Variants in ALKAL1 observed in about 807,000 individuals in gnomAD.
The protein encoded by ALKAL1 is AUG-beta.
In ALKAL1, 23 loss-of-function variants were observed where a neutral mutation model predicts 13.5. The observed-to-expected ratio is 1.70, with a 90% CI of 1.23 to 2.41. The LOEUF is 2.41. Ranked by LOEUF, ALKAL1 falls within the 30% of genes most tolerant of loss-of-function variation. The pLI, the probability that ALKAL1 is intolerant of heterozygous loss-of-function variation, is 0.00. For missense variants in ALKAL1, 181 were observed against 178.4 expected (o/e 1.01, Z -0.08); for synonymous variants, 85 against 77.7 (o/e 1.09, Z -0.49).
At chr8:52,542,319 A>G in intron 2 of ALKAL1, 73 bp downstream of exon 2, 1 of 974,044 alleles carries the variant, frequency 1.0e-6, no homozygotes, top group Non-Finnish European at 1.6e-6. Context: ...TCATATCCCT[A>G]GTGCCTGACA....
intron 4 of ALKAL1, among the ~76,000 whole-genome samples, chr8:52,534,913 T>C (rs1847251373): frequency 6.6e-6 from 1 of 152,206 alleles, no homozygotes; most frequent in African/African-American, 2.4e-5. Context: ...GTATTGATTG[T>C]AAACCTTATT....
chr8:52,560,422 C>T (rs1847536444), intron 1 of ALKAL1, among the ~76,000 whole-genome samples: 3 of 152,202 alleles, frequency 2.0e-5, no homozygotes, highest in Non-Finnish European at 4.4e-5. Context: ...GAAATATCAC[C>T]TGGCCACGTT....
chr8:52,547,148 A>C (rs1033448096), intron 1 of ALKAL1, among the ~76,000 whole-genome samples: 2 of 152,180 alleles, frequency 1.3e-5, no homozygotes, highest in Non-Finnish European at 2.9e-5. Flanking sequence ...TTTAGTGACT[A>C]GATGCACGCA....
At chr8:52,552,868 G>A (rs1847442993) in intron 1 of ALKAL1, among the ~76,000 whole-genome samples, 1 of 152,184 alleles carries the variant, frequency 6.6e-6, no homozygotes, top group Non-Finnish European at 1.5e-5. Flanking sequence ...AATCAACCCT[G>A]GTTCTTTTAC....
At chr8:52,546,597 T>C (rs1377079693) in intron 1 of ALKAL1, among the ~76,000 whole-genome samples, 1 of 152,212 alleles carries the variant, frequency 6.6e-6, no homozygotes, top group Non-Finnish European at 1.5e-5. Flanking sequence ...CTTAAACCTT[T>C]CATAAGCAAC....
At chr8:52,562,007 C>T (rs1847555781) in intron 1 of ALKAL1, among the ~76,000 whole-genome samples, 1 of 152,188 alleles carries the variant, frequency 6.6e-6, no homozygotes, top group Non-Finnish European at 1.5e-5. Context: ...CACCACGGCC[C>T]TATTCTCAGC....
At chr8:52,535,947 T>C (rs1847262934) in intron 4 of ALKAL1, among the ~76,000 whole-genome samples, 1 of 109,524 alleles carries the variant, frequency 9.1e-6, no homozygotes. Context: ...TATGACCATT[T>C]TTTTTTTTTG....
chr8:52,538,294 C>A lies in ALKAL1; in HGVS notation c.*12+137G>T, dbSNP rs1378827443. ...TATAAAAAAGAATAAATGTTTGAGGCATACAAGTATCAAAATGTAACACTG... is the reference window on the plus strand; with the variant it reads ...TATAAAAAAGAATAAATGTTTGAGGAATACAAGTATCAAAATGTAACACTG... On this transcript the variant is annotated intron_variant, in intron 4 of 4. Coordinates refer to ENST00000358543, the MANE Select transcript of ALKAL1 (RefSeq NM_207413.4). The A allele has an allele frequency of 5.0e-6, 3 of 604,500 alleles. No individual in the cohort carries two copies. In the South Asian group the frequency reaches 6.6e-5, roughly 13 times the overall value. 37.4% of individuals were successfully genotyped at this position (604,500 alleles called of 1,614,324 possible).
At chr8:52,555,962 T>C (rs1223823467) in intron 1 of ALKAL1, among the ~76,000 whole-genome samples, 5 of 152,234 alleles carry the variant, frequency 3.3e-5, no homozygotes, top group East Asian at 1.9e-4. Context: ...AAATCCCAGG[T>C]ACATTTTAAA....
At chr8:52,557,816 T>C (rs1847500294) in intron 1 of ALKAL1, among the ~76,000 whole-genome samples, 1 of 150,644 alleles carries the variant, frequency 6.6e-6, no homozygotes, top group African/African-American at 2.5e-5. Flanking sequence ...GAAACCCATC[T>C]CTACTAAAAA....
At chr8:52,549,540 G>A (rs1847408978) in intron 1 of ALKAL1, among the ~76,000 whole-genome samples, 1 of 151,672 alleles carries the variant, frequency 6.6e-6, no homozygotes, top group Admixed American at 6.6e-5. Context: ...TCCCATGGCT[G>A]TCATCTTATT....
Position 52,542,429 on chromosome 8 carries a change from G to T in ALKAL1, c.207C>A (p.Asp69Glu). The T allele has an allele frequency of 6.5e-7, 1 of 1,540,764 alleles. No individual in the cohort carries two copies. Among genetic ancestry groups the T allele is most frequent in the Non-Finnish European group, 8.9e-7 (1 of 1,122,144 alleles). Reference protein sequence around the residue: ...GSRSAEIFPRDSNLKDKFIKH... With the variant: ...GSRSAEIFPRESNLKDKFIKH... ...TTATGAATTTGTCTTTTAAGTTAGA[G>T]TCTCTTGGGAATATTTCTGAAAAGA... The change falls in exon 2 of 5, where the codon GAC (aspartate) becomes GAA (glutamate). Residue 69 changes from aspartate to glutamate, a missense_variant. By Grantham distance (45) the Asp-to-Glu change is conservative. Transcript: ENST00000358543.
intron 1 of ALKAL1, among the ~76,000 whole-genome samples, chr8:52,557,383 C>G (rs960417972): frequency 6.6e-6 from 1 of 152,190 alleles, no homozygotes; most frequent in Non-Finnish European, 1.5e-5. Context: ...CACCCCTTCC[C>G]AATTCCACAG....
At chr8:52,540,091 T>C (rs533439140) in intron 2 of ALKAL1, among the ~76,000 whole-genome samples, 180 bp from the exon 3 acceptor site, 2 of 152,254 alleles carry the variant, frequency 1.3e-5, no homozygotes, top group South Asian at 4.1e-4. Flanking sequence ...TTGTGGTCTA[T>C]GAAAAATAAT....
intron 1 of ALKAL1, among the ~76,000 whole-genome samples, chr8:52,546,910 T>A (rs546649914): frequency 1.4e-4 from 21 of 150,924 alleles, no homozygotes; most frequent in Non-Finnish European, 2.8e-4. Flanking sequence ...CTGCCCAAAA[T>A]ATTGACTATG....
intron 1 of ALKAL1, among the ~76,000 whole-genome samples, chr8:52,558,082 T>A (rs893770476): frequency 6.6e-6 from 1 of 151,094 alleles, no homozygotes; most frequent in African/African-American, 2.4e-5. Flanking sequence ...TCACTTGAGG[T>A]CAGGAGTTCA....
chr8:52,561,108 A>G (rs1327790696), intron 1 of ALKAL1, among the ~76,000 whole-genome samples: 1 of 152,180 alleles, frequency 6.6e-6, no homozygotes, highest in Non-Finnish European at 1.5e-5. Context: ...CCCCCCTCCC[A>G]GGTGATATGC....
At chr8:52,535,497 G>A (rs1847256235) in intron 4 of ALKAL1, among the ~76,000 whole-genome samples, 1 of 131,728 alleles carries the variant, frequency 7.6e-6, no homozygotes, top group African/African-American at 2.9e-5. Context: ...GCTACACCGA[G>A]CTATGATCAA....
intron 1 of ALKAL1, among the ~76,000 whole-genome samples, chr8:52,547,041 T>G (rs1847376277): frequency 6.6e-6 from 1 of 152,218 alleles, no homozygotes; most frequent in African/African-American, 2.4e-5. Flanking sequence ...AGAGAAGAGA[T>G]ATTTTTCCAT....
Sources: allele counts gnomAD v4.1 joint callset (sites outside exome capture counted in the v4.1 genomes callset), GRCh38; gene constraint gnomAD v4.1.1; transcripts MANE v1.5; gene names NCBI Gene and HGNC (gene_info 2026-07-23, HGNC 2026-07-21).